TOX3: variants seen among roughly 807,000 people sequenced by gnomAD.
TOX3 encodes TOX high mobility group box family member 3.
A neutral mutation model predicts 64.3 loss-of-function variants in TOX3; 22 were observed. The ratio of observed to expected loss-of-function variants is 0.34; its 90% CI spans 0.24 to 0.49. The LOEUF (loss-of-function observed/expected upper bound fraction) is 0.49. Ranked by LOEUF, TOX3 falls within the 20% of genes least tolerant of loss-of-function variation. The pLI is 0.99. For synonymous variants in TOX3, 291 were observed against 273.6 expected (o/e 1.06, Z -0.63); for missense variants, 661 against 714.4 (o/e 0.93, Z 0.85).
At position 52,546,870 on chromosome 16, in the gene TOX3, C is replaced by T. The variant is rs975593850; in HGVS notation, c.-147G>A. 1 of 1,197,036 alleles carries T rather than the reference C, an allele frequency of 8.4e-7. No individual in the cohort carries two copies. Among genetic ancestry groups the T allele is most frequent in the Admixed American group, 4.5e-5 (1 of 22,118 alleles). The allele number at this position is 1,197,036 out of a possible 1,614,324, so 74.2% of individuals were successfully genotyped here. A position where few individuals can be genotyped will look rare whatever the true frequency, so the allele number is the denominator to read the frequency against. On this transcript the variant is annotated 5_prime_UTR_variant, in exon 1 of 7. Coordinates refer to ENST00000219746, the MANE Select transcript of TOX3 (RefSeq NM_001080430.4). ...CGGAGGGGCGCCGGGACCCAGAGCC[C>T]GAGGAGCTCGGGAGCCGCGGCCGCC... is the stretch of plus-strand genomic sequence containing the variant.
intron 4 of TOX3, among the ~76,000 whole-genome samples, chr16:52,448,859 C>T (rs1026738549): frequency 2.0e-5 from 3 of 152,188 alleles, no homozygotes; most frequent in African/African-American, 2.4e-5. Context: ...AATGTAAGCA[C>T]GTCAAATTCA....
intron 6 of TOX3, among the ~76,000 whole-genome samples, chr16:52,440,888 G>A (rs570660168): frequency 8.4e-4 from 124 of 148,318 alleles, no homozygotes; most frequent in African/African-American, 3.0e-3. Context: ...AGCCTCCCAA[G>A]TAGCTGGCAC....
intron 3 of TOX3, among the ~76,000 whole-genome samples, chr16:52,459,707 C>G (rs1239218229): frequency 6.6e-6 from 1 of 152,106 alleles, no homozygotes; most frequent in African/African-American, 2.4e-5. Context: ...ATGTTCCATG[C>G]ATTAAACACA....
At chr16:52,495,794 C>T (rs563854796) in intron 1 of TOX3, among the ~76,000 whole-genome samples, 11 of 152,236 alleles carry the variant, frequency 7.2e-5, no homozygotes, top group Admixed American at 6.5e-4. Flanking sequence ...AGAAATTCTC[C>T]AAATTAAGTC....
intron 1 of TOX3, among the ~76,000 whole-genome samples, chr16:52,474,074 C>T (rs1961134722): frequency 6.6e-6 from 1 of 152,146 alleles, no homozygotes; most frequent in Non-Finnish European, 1.5e-5. Flanking sequence ...ACATCTTAGA[C>T]CTATGTCCAA....
chr16:52,465,002 A>ATTTTTTTTTTTTTTT (rs1340719697), intron 2 of TOX3, among the ~76,000 whole-genome samples: 1 of 60,978 alleles, frequency 1.6e-5, no homozygotes, highest in African/African-American at 7.5e-5. Flanking sequence ...GTCTTAATGC[A>ATTTTTTTTTTTTTTT]TTCTTTTTTT....
At chr16:52,469,300 G>C (rs949484696) in intron 1 of TOX3, among the ~76,000 whole-genome samples, 2 of 152,144 alleles carry the variant, frequency 1.3e-5, no homozygotes, top group Admixed American at 1.3e-4. Context: ...CAGCATTTCA[G>C]ACTTAAGCTC....
chr16:52,456,264 T>A (rs1483364039), intron 3 of TOX3, among the ~76,000 whole-genome samples: 3 of 152,186 alleles, frequency 2.0e-5, no homozygotes, highest in Admixed American at 1.3e-4. Flanking sequence ...AACCAACCCA[T>A]CTAAATCAAT....
chr16:52,532,126 G>A (rs1202846132), intron 1 of TOX3, among the ~76,000 whole-genome samples: 1 of 152,162 alleles, frequency 6.6e-6, no homozygotes, highest in Admixed American at 6.5e-5. Context: ...GATGAGAAAT[G>A]TAGATCACAG....
intron 1 of TOX3, among the ~76,000 whole-genome samples, chr16:52,539,530 C>G (rs1240512325): frequency 6.6e-6 from 1 of 152,230 alleles, no homozygotes; most frequent in African/African-American, 2.4e-5. Flanking sequence ...GCCTCACTGA[C>G]TGGGAAGTTG....
chr16:52,471,367 T>C (rs1388504891), intron 1 of TOX3, among the ~76,000 whole-genome samples: 1 of 152,208 alleles, frequency 6.6e-6, no homozygotes, highest in African/African-American at 2.4e-5. Flanking sequence ...AGTCATTTGG[T>C]GTAAGAACAG....
At chr16:52,515,759 G>T (rs8051286) in intron 1 of TOX3, among the ~76,000 whole-genome samples, 1 of 152,048 alleles carries the variant, frequency 6.6e-6, no homozygotes, top group Admixed American at 6.5e-5. Context: ...CCTTCTTTTC[G>T]TTTCTTTACT....
At chr16:52,521,546 G>A (rs1962609333) in intron 1 of TOX3, among the ~76,000 whole-genome samples, 2 of 152,076 alleles carry the variant, frequency 1.3e-5, no homozygotes, top group Non-Finnish European at 2.9e-5. Flanking sequence ...AATATGTTTT[G>A]CCTTTGTGCA....
chr16:52,492,531 A>G (rs1368003458), intron 1 of TOX3, among the ~76,000 whole-genome samples: 1 of 138,888 alleles, frequency 7.2e-6, no homozygotes, highest in Non-Finnish European at 1.5e-5. Flanking sequence ...TTGAAAAATG[A>G]CCAATAACAC....
At chr16:52,485,084 T>C (rs114704178) in intron 1 of TOX3, among the ~76,000 whole-genome samples, 33,249 of 149,522 alleles carry the variant, frequency 0.22, 4,461 homozygotes, top group South Asian at 0.36. Flanking sequence ...TATATACATG[T>C]ATGTGTGTGT....
At chr16:52,475,393 A>G (rs1008744630) in intron 1 of TOX3, 2 of 152,242 alleles carry the variant, frequency 1.3e-5, no homozygotes, top group African/African-American at 4.8e-5. Flanking sequence ...CCAGCAGCCA[A>G]CACCACTAGT....
intron 3 of TOX3, among the ~76,000 whole-genome samples, chr16:52,462,272 C>A (rs771308595): frequency 4.0e-4 from 61 of 152,176 alleles, no homozygotes; most frequent in Non-Finnish European, 6.6e-4. Flanking sequence ...AAAATTGAGT[C>A]CTCTTTCCCA....
In TOX3 at chr16:52,535,788, G is replaced by C. The variant is rs561436095; in HGVS notation, c.87+10849C>G. 1.1e-4 allele frequency among the ~76,000 whole-genome samples: 17 copies of C among 152,100 alleles called. No individual in the cohort carries two copies. In the South Asian group the frequency reaches 3.3e-3, roughly 30 times the overall value. On this transcript the variant is annotated intron_variant, in intron 1 of 6. Transcript: ENST00000219746. Reference sequence around the variant, plus strand: ...CTCCTGTTCTCTCATCCCTGCCTAGGCAAAATCCACCACCAAGTCAGCTTC... The same window carrying C: ...CTCCTGTTCTCTCATCCCTGCCTAGCCAAAATCCACCACCAAGTCAGCTTC...
chr16:52,438,170 T>C lies in TOX3; in HGVS notation c.*1055A>G, dbSNP rs867701304. ...ACAACTTAATTGCTGCTATCATAAC[T>C]CATAAAAAAGTATAAAACAGCATAA... On this transcript the variant is annotated 3_prime_UTR_variant, in exon 7 of 7. Transcript: ENST00000219746. 22 of 152,594 alleles carry C rather than the reference T, an allele frequency of 1.4e-4. No homozygotes were observed. Among genetic ancestry groups the C allele is most frequent in the African/African-American group, 5.3e-4 (22 of 41,434 alleles). 9.5% of individuals were successfully genotyped at this position (152,594 alleles called of 1,614,324 possible). A position where few individuals can be genotyped will look rare whatever the true frequency, so the allele number is the denominator to read the frequency against.
Sources: gnomAD v4.1 joint callset for allele counts (sites outside exome capture counted in the v4.1 genomes callset) on GRCh38, gnomAD v4.1.1 for gene constraint, MANE v1.5 for transcripts, NCBI Gene and HGNC (gene_info 2026-07-23, HGNC 2026-07-21) for gene names.